The following SMARCA2 variants were observed in gnomAD, a reference collection of about 807,000 sequenced individuals.
SMARCA2 encodes the protein SWI/SNF-related matrix-associated actin-dependent regulator of chromatin subfamily A member 2.
A neutral mutation model predicts 199.8 loss-of-function variants in SMARCA2; 61 were observed. The observed-to-expected ratio is 0.31, with a 90% CI of 0.25 to 0.38. The LOEUF (loss-of-function observed/expected upper bound fraction) is 0.38, where lower values mean the gene tolerates loss of function less well. Ranked by LOEUF, SMARCA2 falls within the 10% of genes least tolerant of loss-of-function variation. The pLI is 1.00. For missense variants in SMARCA2, 1,344 were observed against 2,012.2 expected (o/e 0.67, Z 6.35); for synonymous variants, 935 against 732.0 (o/e 1.28, Z -4.48).
At position 2,123,005 on chromosome 9, in the gene SMARCA2, C is replaced by T. The variant is rs1400105694; in HGVS notation, c.3763-714C>T. Among the ~76,000 whole-genome samples the T allele has an allele frequency of 6.6e-6, 1 of 152,166 alleles. No homozygotes were observed. The highest frequency in any genetic ancestry group is 2.4e-5 in the African/African-American group (1 of 41,444). ...AAGGCTCTGAAAGGAATCCATTTCA[C>T]TTACAACTAGATCAGTTGGGATGCG... On this transcript the variant is annotated intron_variant, in intron 26 of 33. Coordinates refer to ENST00000349721, the MANE Select transcript of SMARCA2 (RefSeq NM_003070.5). The surrounding 1 kb of genome is among the most constrained non-coding windows in gnomAD (Gnocchi z 4.1).
At chr9:2,081,444 T>C (rs996985606) in intron 14 of SMARCA2, among the ~76,000 whole-genome samples, 10 of 152,256 alleles carry the variant, frequency 6.6e-5, no homozygotes, top group African/African-American at 2.4e-4. Context: ...AAAGGCTGTT[T>C]TTAATAATCT....
In SMARCA2 at chr9:2,077,905, G is replaced by C. The variant is rs376762671; in HGVS notation, c.2184+129G>C. On this transcript the variant is annotated intron_variant, in intron 14 of 33. Coordinates refer to ENST00000349721, the MANE Select transcript of SMARCA2 (RefSeq NM_003070.5). ...TAGGCCACATCACTTATAATACTGA[G>C]GTTCCTTTCATTGTGCCTATGATTC... The C allele has an allele frequency of 4.4e-5, 34 of 778,852 alleles. No homozygotes were observed. The African/African-American group carries it at 5.4e-4, about 12-fold the overall frequency. 48.2% of individuals were successfully genotyped at this position (778,852 alleles called of 1,614,324 possible). A position where few individuals can be genotyped will look rare whatever the true frequency, so the allele number is the denominator to read the frequency against.
chr9:2,071,951 C>A (rs144621724), intron 10 of SMARCA2: 2 of 152,106 alleles, frequency 1.3e-5, no homozygotes, highest in Non-Finnish European at 2.9e-5. Flanking sequence ...AAGAAAAAAA[C>A]GACAATCTGG....
At chr9:2,185,510 A>T (rs1268082627) in intron 31 of SMARCA2, among the ~76,000 whole-genome samples, 2 of 152,130 alleles carry the variant, frequency 1.3e-5, no homozygotes, top group African/African-American at 2.4e-5. Flanking sequence ...GCCTCTTGTG[A>T]TTCTTTATAT....
rs1586725111 is a variant in SMARCA2, at chr9:2,119,593, T to C, written c.3762+58T>C. On this transcript the variant is annotated intron_variant, in intron 26 of 33. Coordinates refer to ENST00000349721, the MANE Select transcript of SMARCA2 (RefSeq NM_003070.5). The surrounding 1 kb of genome is among the most constrained non-coding windows in gnomAD (Gnocchi z 4.6). The stretch of plus-strand genomic sequence containing the variant: ...TTTATACCTCTGCCCCTTTTTCTGT[T>C]AAGCAGAATGTCTGCAGCCTGCGTG... 8.3e-7 allele frequency: 1 copy of C among 1,198,848 alleles called. No individual in the cohort carries two copies. Among genetic ancestry groups the C allele is most frequent in the Non-Finnish European group, 1.2e-6 (1 of 807,610 alleles). The allele number at this position is 1,198,848 out of a possible 1,614,324, so 74.3% of individuals were successfully genotyped here. A position where few individuals can be genotyped will look rare whatever the true frequency, so the allele number is the denominator to read the frequency against.
chr9:2,075,713 A>G (rs1821294408), intron 12 of SMARCA2, among the ~76,000 whole-genome samples: 1 of 152,166 alleles, frequency 6.6e-6, no homozygotes, highest in Admixed American at 6.5e-5. Context: ...GCTGGAGTGC[A>G]GTGGTGTGAT....
In SMARCA2 at chr9:2,115,851, C is replaced by T. The variant is rs763906020; in HGVS notation, c.3486C>T (p.Arg1162=). The part of the protein sequence containing the change: ...QDLQAQDRAH[R]IGQQNEVRVL... ...TGCAGGCCCAAGACCGAGCTCACCG[C>T]ATCGGGCAGCAGAACGAGGTCCGGG... Residue 1162 remains arginine, a synonymous_variant, in exon 25 of 34, where the codon CGC becomes CGT. Transcript: ENST00000349721. The surrounding 1 kb of genome is among the most constrained non-coding windows in gnomAD (Gnocchi z 6.0). 1.2e-6 allele frequency: 2 copies of T among 1,613,992 alleles called. No individual in the cohort carries two copies. The highest frequency in any genetic ancestry group is 1.1e-5 in the South Asian group (1 of 91,066).
At chr9:2,098,087 A>G (rs1177770937) in intron 21 of SMARCA2, among the ~76,000 whole-genome samples, 1 of 152,228 alleles carries the variant, frequency 6.6e-6, no homozygotes, top group African/African-American at 2.4e-5. Context: ...CTAAATTGAC[A>G]GTGTTTCACC....
At chr9:2,082,869 C>G (rs1238950969) in intron 15 of SMARCA2, among the ~76,000 whole-genome samples, 1 of 152,154 alleles carries the variant, frequency 6.6e-6, no homozygotes, top group Admixed American at 6.5e-5. Context: ...TTTGCGTGTT[C>G]TGAATCATAT....
At chr9:2,037,013 A>T (rs1278839924) in intron 3 of SMARCA2, among the ~76,000 whole-genome samples, 2 of 152,202 alleles carry the variant, frequency 1.3e-5, no homozygotes, top group African/African-American at 4.8e-5. Flanking sequence ...ATCAGGAAAC[A>T]TATGACTAAT....
intron 27 of SMARCA2, among the ~76,000 whole-genome samples, chr9:2,127,859 A>C (rs937329717): frequency 1.3e-5 from 2 of 152,216 alleles, no homozygotes; most frequent in Non-Finnish European, 2.9e-5. Flanking sequence ...AAAAATTCCT[A>C]CAGTGTCCTT....
At chr9:2,168,251 T>C (rs1376229935) in intron 28 of SMARCA2, among the ~76,000 whole-genome samples, 3 of 152,166 alleles carry the variant, frequency 2.0e-5, no homozygotes, top group Non-Finnish European at 4.4e-5. Flanking sequence ...CCTCAGGTGA[T>C]CTGCCTTTCT....
At chr9:2,177,367 T>C (rs1826680953) in intron 29 of SMARCA2, among the ~76,000 whole-genome samples, 2 of 152,214 alleles carry the variant, frequency 1.3e-5, no homozygotes, top group Non-Finnish European at 2.9e-5. Flanking sequence ...CCCTTATTAA[T>C]ATAAACAATT....
At chr9:2,192,652 T>G (rs1827966371) in intron 33 of SMARCA2, 52 bp from the exon 34 acceptor site, 1 of 1,283,648 alleles carries the variant, frequency 7.8e-7, no homozygotes, top group Non-Finnish European at 1.1e-6. Flanking sequence ...TTATATCTTC[T>G]TTTTCTTGCA....
chr9:2,054,197 C>A (rs549959371), intron 5 of SMARCA2, among the ~76,000 whole-genome samples: 1 of 152,126 alleles, frequency 6.6e-6, no homozygotes, highest in African/African-American at 2.4e-5. Context: ...ACTAGAAGTT[C>A]GGAAGAAAAA....
chr9:2,140,956 C>T (rs1417666278), intron 27 of SMARCA2, among the ~76,000 whole-genome samples: 1 of 152,082 alleles, frequency 6.6e-6, no homozygotes, highest in Non-Finnish European at 1.5e-5. Context: ...CCTGCATTCT[C>T]ACACTGGCGC....
At chr9:2,157,988 C>T in intron 27 of SMARCA2, 1 of 397,218 alleles carries the variant, frequency 2.5e-6, no homozygotes, top group East Asian at 3.6e-5. Flanking sequence ...TCCTCTAGAA[C>T]AGCTAATCCT....
chr9:2,159,864 C>T, intron 27 of SMARCA2: 1 of 1,612,100 alleles, frequency 6.2e-7, no homozygotes. Context: ...TAATTTTATC[C>T]CCACTAACTG....
chr9:2,107,944 T>C (rs1392780230), intron 23 of SMARCA2, among the ~76,000 whole-genome samples: 1 of 152,022 alleles, frequency 6.6e-6, no homozygotes, highest in Non-Finnish European at 1.5e-5. Context: ...TCCCTGAAGA[T>C]AAGGTTTAGG....
Sources: allele counts gnomAD v4.1 joint callset (sites outside exome capture counted in the v4.1 genomes callset), GRCh38; gene constraint gnomAD v4.1.1; non-coding constraint Gnocchi (gnomAD v3.1); transcripts MANE v1.5; gene names NCBI Gene and HGNC (gene_info 2026-07-23, HGNC 2026-07-21).